The following TNRC6B variants were observed in gnomAD, a reference collection of about 807,000 sequenced individuals.
The protein encoded by TNRC6B is trinucleotide repeat containing adaptor 6B, also known as trinucleotide repeat-containing gene 6B protein.
A neutral mutation model predicts 203.6 loss-of-function variants in TNRC6B; 52 were observed. That is an observed-to-expected ratio of 0.26 (90% CI 0.20 to 0.32). The LOEUF (loss-of-function observed/expected upper bound fraction) is 0.32. Ranked by LOEUF, TNRC6B falls within the 10% of genes least tolerant of loss-of-function variation. The pLI, the probability that TNRC6B is intolerant of heterozygous loss-of-function variation, is 1.00. For synonymous variants in TNRC6B, 838 were observed against 845.7 expected, an observed-to-expected ratio of 0.99 and a Z score of 0.16; for missense variants, 1,923 against 2,286.2, an observed-to-expected ratio of 0.84 and a Z score of 3.24.
chr22:40,169,155 C>T (rs1337017383), intron 4 of TNRC6B, among the ~76,000 whole-genome samples: 9 of 126,486 alleles, frequency 7.1e-5, no homozygotes, highest in Non-Finnish European at 3.2e-5. Context: ...TTTTTTGAGA[C>T]GGAGTCTTGC....
chr22:40,106,644 C>A, intron 1 of TNRC6B: 3 of 738,062 alleles, frequency 4.1e-6, no homozygotes, highest in Non-Finnish European at 7.5e-6. Flanking sequence ...TACCCCCAAG[C>A]AATATATGAC....
chr22:40,265,888 C>G lies in TNRC6B; in HGVS notation c.1658C>G (p.Ala553Gly), dbSNP rs375943780. 6.2e-7 allele frequency: 1 copy of G among 1,613,998 alleles called. No homozygotes were observed. The highest frequency in any genetic ancestry group is 1.3e-5 in the African/African-American group (1 of 75,044). ...CCCCTCCCTGAAAACCAAGGCAATGCCCAGGCTCCCTGTTGGGGAAGATCT... is the reference window on the plus strand; with the variant it reads ...CCCCTCCCTGAAAACCAAGGCAATGGCCAGGCTCCCTGTTGGGGAAGATCT... The part of the protein sequence containing the change: ...GHPLPENQGN[A>G]QAPCWGRSSS... Residue 553 changes from alanine to glycine, a missense_variant, in exon 5 of 23, where the codon GCC becomes GGC. Ala to Gly is a moderately conservative substitution (Grantham distance 60, BLOSUM62 0). Transcript: ENST00000454349.
chr22:40,085,778 G>T (rs899339711), intron 1 of TNRC6B, among the ~76,000 whole-genome samples: 2 of 152,108 alleles, frequency 1.3e-5, no homozygotes, highest in African/African-American at 4.8e-5. Context: ...GTTAATTAGG[G>T]TTTACAAAAT....
At chr22:40,149,035 A>C (rs539702268) in intron 3 of TNRC6B, among the ~76,000 whole-genome samples, 1 of 152,342 alleles carries the variant, frequency 6.6e-6, no homozygotes, top group Admixed American at 6.5e-5. Flanking sequence ...GCAAACTAAT[A>C]CACCCTCCTA....
chr22:40,187,902 G>A (rs1224425051), intron 1 of TNRC6B, among the ~76,000 whole-genome samples: 1 of 152,166 alleles, frequency 6.6e-6, no homozygotes, highest in East Asian at 1.9e-4. Flanking sequence ...GACCATCTAA[G>A]TGATAACCAG....
At position 40,265,809 on chromosome 22, in the gene TNRC6B, G is replaced by A; in HGVS notation, c.1579G>A (p.Gly527Ser). 6.2e-7 allele frequency: 1 copy of A among 1,613,880 alleles called. No individual in the cohort carries two copies. Among genetic ancestry groups the A allele is most frequent in the Non-Finnish European group, 8.5e-7 (1 of 1,179,876 alleles). The stretch of plus-strand genomic sequence containing the variant: ...TGAGTTGAAAATTGGAGAATGGAGT[G>A]GTCCAAACCAACCAAATTCTAGCAC... ...SDELKIGEWS[G>S]PNQPNSSTGA... The change falls in exon 5 of 23, where the codon GGT (glycine) becomes AGT (serine). Residue 527 changes from glycine (G) to serine (S), a missense_variant. Gly to Ser is a moderately conservative substitution (Grantham distance 56). This residue lies in a region of TNRC6B where 614 missense variants were observed against 587.7 expected (regional missense o/e 1.04). Transcript: ENST00000454349.
At chr22:40,147,152 A>AGCGAAAAGGTGGAAGT (rs1217104623) in intron 3 of TNRC6B, among the ~76,000 whole-genome samples, 1 of 152,188 alleles carries the variant, frequency 6.6e-6, no homozygotes, top group African/African-American at 2.4e-5. Context: ...GCTACAACAT[A>AGCGAAAAGGTGGAAGT]GATGAATATT....
intron 7 of TNRC6B, 142 bp from the exon 8 acceptor site, chr22:40,276,933 CAT>C (rs2070652743): frequency 7.9e-6 from 4 of 504,334 alleles, no homozygotes; most frequent in East Asian, 6.7e-5. Context: ...TTTAAACTAA[CAT>C]AAAATATCAA....
chr22:40,234,743 A>G (rs1451854837), intron 1 of TNRC6B, among the ~76,000 whole-genome samples: 1 of 152,216 alleles, frequency 6.6e-6, no homozygotes, highest in Non-Finnish European at 1.5e-5. Flanking sequence ...TTCTAGTTTT[A>G]ATGTTGTTTT....
At position 40,301,227 on chromosome 22, in the gene TNRC6B, T is replaced by A; in HGVS notation, c.4014T>A (p.Ser1338=). The change falls in exon 15 of 23, where the codon TCT becomes TCA. Residue 1338 remains serine (S), a synonymous_variant. Coordinates refer to ENST00000454349, the MANE Select transcript of TNRC6B (RefSeq NM_001162501.2). ...AGCCAGGCATGAAGCACTCGCCCTC[T>A]CATCCTGTTGGGCCCAAGCCGCATC... is the stretch of plus-strand genomic sequence containing the variant. ...QRQPGMKHSP[S]HPVGPKPHLD... The A allele has an allele frequency of 6.4e-7, 1 of 1,559,454 alleles. No individual in the cohort carries two copies. The highest frequency in any genetic ancestry group is 8.7e-7 in the Non-Finnish European group (1 of 1,151,058).
rs544901986 is a variant in TNRC6B at position 40,201,458 on chromosome 22, CAG to C, written c.5+23319_5+23320del. ...TTTCTTTTTTGTTTTTTTTTTGAGA[CAG>C]GGTCTCACTCTGTCACCCAGGCTGT... On this transcript the variant is annotated intron_variant, in intron 1 of 22. Transcript: ENST00000454349. Among the ~76,000 whole-genome samples the C allele has an allele frequency of 1.0e-3, 156 of 150,518 alleles. 3 individuals are homozygous for C. Among genetic ancestry groups the C allele is most frequent in the Middle Eastern group, 6.8e-3 (2 of 292 alleles).
At chr22:40,155,667 T>TTGGTATTGC (rs970519768) in intron 3 of TNRC6B, among the ~76,000 whole-genome samples, 6 of 152,228 alleles carry the variant, frequency 3.9e-5, no homozygotes, top group African/African-American at 1.4e-4. Flanking sequence ...CTGCATACCC[T>TTGGTATTGC]TGTCAACACT....
chr22:40,163,315 C>G (rs1210642622), intron 4 of TNRC6B, among the ~76,000 whole-genome samples: 1 of 147,196 alleles, frequency 6.8e-6, no homozygotes. Flanking sequence ...TCAAGATCAC[C>G]TGAGCCTGAG....
Position 40,178,054 on chromosome 22 carries a change from G to T in TNRC6B, c.-82G>T, listed in dbSNP as rs1318717489. On this transcript the variant is annotated 5_prime_UTR_variant, in exon 1 of 23. Coordinates refer to ENST00000454349, the MANE Select transcript of TNRC6B (RefSeq NM_001162501.2). ...ATACAAAAAAACAGATAGACAAAAAGAATTCATTTTTTGGACCTTTTTTCA... is the reference window on the plus strand; with the variant it reads ...ATACAAAAAAACAGATAGACAAAAATAATTCATTTTTTGGACCTTTTTTCA... 1.2e-5 allele frequency: 19 copies of T among 1,589,314 alleles called. 1 individual carries two copies. The South Asian group carries it at 2.0e-4, about 16-fold the overall frequency.
intron 1 of TNRC6B, among the ~76,000 whole-genome samples, chr22:40,179,402 T>A (rs2069105480): frequency 6.6e-6 from 1 of 152,222 alleles, no homozygotes. Context: ...CTTGTTTTCT[T>A]TTCTCTTTTT....
intron 1 of TNRC6B, among the ~76,000 whole-genome samples, chr22:40,239,177 T>C (rs1427737363): frequency 6.6e-6 from 1 of 151,928 alleles, no homozygotes. Flanking sequence ...CACTGCAGCG[T>C]GGGTGACAGA....
intron 1 of TNRC6B, among the ~76,000 whole-genome samples, chr22:40,103,806 C>T (rs1233174952): frequency 6.6e-6 from 1 of 151,006 alleles, no homozygotes; most frequent in Non-Finnish European, 1.5e-5. Context: ...CCACACTCGG[C>T]TAATTTTTGT....
rs10534254 is a variant in TNRC6B, at chr22:40,331,645, A to ATTTTTTTTTTTTTTTTTTTTTTT, written c.*8407_*8429dup. ...ACTGAATTTAAGAAGAGGTTGTTGG[A>ATTTTTTTTTTTTTTTTTTTTTTT]TTTTTTTTTTTTTTTTTTTTTTTTT... On this transcript the variant is annotated 3_prime_UTR_variant, in exon 23 of 23. Transcript: ENST00000454349. 7.8e-6 allele frequency: 1 copy of ATTTTTTTTTTTTTTTTTTTTTTT among 128,086 alleles called. No homozygotes were observed. Among genetic ancestry groups the ATTTTTTTTTTTTTTTTTTTTTTT allele is most frequent in the Non-Finnish European group, 1.4e-5 (1 of 73,998 alleles). The allele number at this position is 128,086 out of a possible 1,614,324, so 7.9% of individuals were successfully genotyped here. A position where few individuals can be genotyped will look rare whatever the true frequency, so the allele number is the denominator to read the frequency against.
At chr22:40,224,831 C>A (rs573583765) in intron 1 of TNRC6B, among the ~76,000 whole-genome samples, 1 of 152,306 alleles carries the variant, frequency 6.6e-6, no homozygotes, top group South Asian at 2.1e-4. Context: ...GTGTGTGGTT[C>A]TTGAGTGCCT....
Sources: gnomAD v4.1 joint callset for allele counts (sites outside exome capture counted in the v4.1 genomes callset) on GRCh38, gnomAD v4.1.1 for gene constraint, gnomAD v4.1.1 regional missense constraint, MANE v1.5 for transcripts, NCBI Gene and HGNC (gene_info 2026-07-23, HGNC 2026-07-21) for gene names.